NCAM2: variants seen among roughly 807,000 people sequenced by gnomAD.
NCAM2 encodes the protein N-CAM-2.
A neutral mutation model predicts 98.1 loss-of-function variants in NCAM2; 30 were observed. The observed-to-expected ratio is 0.31, with a 90% CI of 0.23 to 0.41. The LOEUF is 0.41. Ranked by LOEUF, NCAM2 falls within the 10% of genes least tolerant of loss-of-function variation. The probability of loss-of-function intolerance (pLI) is 1.00; values close to 1 mark genes in which losing one functional copy is unlikely to be tolerated. For missense variants in NCAM2, 867 were observed against 1,005.8 expected, an observed-to-expected ratio of 0.86 and a Z score of 1.87; for synonymous variants, 368 against 342.4, an observed-to-expected ratio of 1.07 and a Z score of -0.83.
At chr21:21,146,654 A>C (rs2067283860) in intron 1 of NCAM2, among the ~76,000 whole-genome samples, 1 of 151,428 alleles carries the variant, frequency 6.6e-6, no homozygotes, top group Non-Finnish European at 1.5e-5. Context: ...AACAGCTTTA[A>C]AAAAAACTTA....
chr21:21,142,712 G>T (rs1454207497), intron 1 of NCAM2, among the ~76,000 whole-genome samples: 4 of 152,102 alleles, frequency 2.6e-5, no homozygotes, highest in East Asian at 3.9e-4. Flanking sequence ...TATGTAAAAT[G>T]TTTTTTGTGG....
At chr21:21,454,970 CT>C (rs1981910813) in intron 12 of NCAM2, among the ~76,000 whole-genome samples, 1 of 151,892 alleles carries the variant, frequency 6.6e-6, no homozygotes, top group Non-Finnish European at 1.5e-5. Flanking sequence ...CATTTTCCTT[CT>C]CTAGATACAA....
In NCAM2 at chr21:21,515,238, C is replaced by T. The variant is rs191680266; in HGVS notation, c.2282+6183C>T. Reference sequence around the variant, plus strand: ...TTTCACATGCAGTCCTTTTGGGTTGCTGAATATGTTTAAGCAGATGGTGTT... The same window carrying T: ...TTTCACATGCAGTCCTTTTGGGTTGTTGAATATGTTTAAGCAGATGGTGTT... On this transcript the variant is annotated intron_variant, in intron 16 of 17. Transcript: ENST00000400546. Among the ~76,000 whole-genome samples the T allele has an allele frequency of 1.7e-3, 262 of 152,182 alleles. 2 individuals are homozygous for T. The highest frequency in any genetic ancestry group is 6.1e-3 in the African/African-American group (253 of 41,514).
intron 1 of NCAM2, among the ~76,000 whole-genome samples, chr21:21,252,397 A>C (rs2071507287): frequency 6.7e-6 from 1 of 150,166 alleles, no homozygotes; most frequent in Non-Finnish European, 1.5e-5. Context: ...TAAGATATAT[A>C]CTCTCCTTTA....
chr21:20,998,539 T>C lies in NCAM2; in HGVS notation c.-25T>C, dbSNP rs768889941. 1.9e-6 allele frequency: 3 copies of C among 1,612,296 alleles called. No homozygotes were observed. The highest frequency in any genetic ancestry group is 2.5e-6 in the Non-Finnish European group (3 of 1,178,602). On this transcript the variant is annotated 5_prime_UTR_variant, in exon 1 of 18. Coordinates refer to ENST00000400546, the MANE Select transcript of NCAM2 (RefSeq NM_004540.5). ...GGGCTGGACTTAATAACTTTGAAAC[T>C]GTCCACCGGTGTCACGTCCTGAACA...
At chr21:21,455,046 T>C (rs1288415967) in intron 12 of NCAM2, among the ~76,000 whole-genome samples, 1 of 151,832 alleles carries the variant, frequency 6.6e-6, no homozygotes. Context: ...CTTCTTTGCA[T>C]TTTATTAAGC....
At chr21:21,204,860 C>G (rs2069374504) in intron 1 of NCAM2, among the ~76,000 whole-genome samples, 1 of 152,142 alleles carries the variant, frequency 6.6e-6, no homozygotes, top group African/African-American at 2.4e-5. Context: ...ACTCTCCTGA[C>G]TACAATTTTC....
intron 1 of NCAM2, among the ~76,000 whole-genome samples, chr21:21,162,624 AAAAAGT>A (rs1413738476): frequency 6.6e-6 from 1 of 152,130 alleles, no homozygotes. Flanking sequence ...ACATTTAGTG[AAAAAGT>A]CCAAAGTGTG....
intron 9 of NCAM2, among the ~76,000 whole-genome samples, chr21:21,402,141 G>A (rs999156289): frequency 6.6e-6 from 1 of 152,162 alleles, no homozygotes; most frequent in African/African-American, 2.4e-5. Context: ...GGGAACAAGG[G>A]AAGACAACAG....
intron 1 of NCAM2, among the ~76,000 whole-genome samples, chr21:21,235,506 C>T (rs2070783233): frequency 6.6e-6 from 1 of 151,940 alleles, no homozygotes. Context: ...TGATTAATTA[C>T]AAAATTCTCC....
chr21:21,105,528 G>C (rs1014898173), intron 1 of NCAM2, among the ~76,000 whole-genome samples: 1 of 151,970 alleles, frequency 6.6e-6, no homozygotes, highest in Non-Finnish European at 1.5e-5. Flanking sequence ...ATGATTGCTT[G>C]CAATCAACAA....
chr21:21,038,461 G>A (rs1404823981), intron 1 of NCAM2, among the ~76,000 whole-genome samples: 1 of 152,060 alleles, frequency 6.6e-6, no homozygotes, highest in African/African-American at 2.4e-5. Flanking sequence ...GGAAGGGACC[G>A]GTGTGAGGTA....
Position 21,197,820 on chromosome 21 carries a change from G to A in NCAM2, c.56-82758G>A, listed in dbSNP as rs117415770. 2.4e-3 allele frequency among the ~76,000 whole-genome samples: 359 copies of A among 152,270 alleles called. 1 individual carries two copies. In the Middle Eastern group the frequency reaches 0.027, roughly 12 times the overall value. On this transcript the variant is annotated intron_variant, in intron 1 of 17. Transcript: ENST00000400546. Reference sequence around the variant, plus strand: ...AGGGATTTTCTAGGCAACTACTGAGGGGGTTGGGAGGGAAGTTCTTGAGCA... The same window carrying A: ...AGGGATTTTCTAGGCAACTACTGAGAGGGTTGGGAGGGAAGTTCTTGAGCA...
intron 8 of NCAM2, among the ~76,000 whole-genome samples, chr21:21,340,102 G>A (rs189364144): frequency 1.5e-4 from 23 of 151,718 alleles, no homozygotes; most frequent in Middle Eastern, 3.5e-3. Flanking sequence ...AAATACAATC[G>A]TATCTGAAAC....
chr21:21,451,397 T>G (rs1981050131), intron 12 of NCAM2, among the ~76,000 whole-genome samples: 1 of 152,200 alleles, frequency 6.6e-6, no homozygotes, highest in African/African-American at 2.4e-5. Flanking sequence ...AGTAATGTTA[T>G]GTAGTTAGCT....
intron 1 of NCAM2, among the ~76,000 whole-genome samples, chr21:21,157,136 G>C (rs2067640381): frequency 6.6e-6 from 1 of 151,972 alleles, no homozygotes; most frequent in Non-Finnish European, 1.5e-5. Context: ...CTATTTGTCT[G>C]TGGACTCATG....
chr21:21,104,926 G>A (rs1469704040), intron 1 of NCAM2, among the ~76,000 whole-genome samples: 2 of 152,078 alleles, frequency 1.3e-5, no homozygotes, highest in African/African-American at 4.8e-5. Flanking sequence ...GCAGCCCAGT[G>A]GGGAGGTTTA....
intron 9 of NCAM2, among the ~76,000 whole-genome samples, chr21:21,399,801 C>T (rs1448920428): frequency 1.3e-5 from 2 of 152,152 alleles, no homozygotes; most frequent in Non-Finnish European, 2.9e-5. Context: ...CAGGCCAGCA[C>T]TGAGCAAGAA....
At chr21:21,279,683 C>T (rs1029376514) in intron 1 of NCAM2, among the ~76,000 whole-genome samples, 2 of 152,090 alleles carry the variant, frequency 1.3e-5, no homozygotes, top group African/African-American at 4.8e-5. Context: ...TCTGGGAAAA[C>T]TTGGATCCTA....
Sources: gnomAD v4.1 joint callset for allele counts (sites outside exome capture counted in the v4.1 genomes callset) on GRCh38, gnomAD v4.1.1 for gene constraint, MANE v1.5 for transcripts, NCBI Gene and HGNC (gene_info 2026-07-23, HGNC 2026-07-21) for gene names.